GOLM2: variants seen among roughly 807,000 people sequenced by gnomAD.
GOLM2 encodes the protein golgi membrane protein 2, also known as protein GOLM2.
Under a neutral mutation model 55.9 loss-of-function variants are expected in GOLM2, and 26 were observed. The ratio of observed to expected loss-of-function variants is 0.47; its 90% CI spans 0.34 to 0.65. The LOEUF is 0.65. Ranked by LOEUF, GOLM2 falls within the 30% of genes least tolerant of loss-of-function variation. GOLM2 has a pLI of 0.01. For synonymous variants in GOLM2, 165 were observed against 194.6 expected (o/e 0.85, Z 1.27); for missense variants, 486 against 531.8 (o/e 0.91, Z 0.85).
At chr15:44,356,702 C>T (rs947562878) in intron 6 of GOLM2, among the ~76,000 whole-genome samples, 5 of 152,154 alleles carry the variant, frequency 3.3e-5, no homozygotes, top group African/African-American at 1.2e-4. Flanking sequence ...GGAATACTTC[C>T]TAATTCATTC....
chr15:44,332,438 T>C (rs2079028581), intron 4 of GOLM2, among the ~76,000 whole-genome samples: 1 of 151,922 alleles, frequency 6.6e-6, no homozygotes, highest in African/African-American at 2.4e-5. Context: ...ATGCCTGTAA[T>C]CTCAGCTACT....
intron 4 of GOLM2, among the ~76,000 whole-genome samples, chr15:44,334,929 G>A (rs1372905441): frequency 1.3e-5 from 2 of 152,190 alleles, no homozygotes; most frequent in African/African-American, 4.8e-5. Context: ...TACTCAGGAG[G>A]CTGAGGCAGG....
chr15:44,379,832 T>C (rs1363797203), intron 7 of GOLM2, 44 bp downstream of exon 7: 1 of 1,110,190 alleles, frequency 9.0e-7, no homozygotes, highest in East Asian at 2.4e-5. Flanking sequence ...ACCAACTTAC[T>C]AGTCATGTAC....
In GOLM2 at chr15:44,413,673, T is replaced by A. The variant is rs1347551315; in HGVS notation, c.*267T>A. The A allele has an allele frequency of 3.1e-6, 1 of 326,858 alleles. No homozygotes were observed. Among genetic ancestry groups the A allele is most frequent in the Non-Finnish European group, 5.6e-6 (1 of 178,444 alleles). The allele number at this position is 326,858 out of a possible 1,614,324, so 20.2% of individuals were successfully genotyped here. ...TGCATCTAAAGCAAACTAATGTATATTTCACATTTTATTGAGCCGACTTAT... is the reference window on the plus strand; with the variant it reads ...TGCATCTAAAGCAAACTAATGTATAATTCACATTTTATTGAGCCGACTTAT... On this transcript the variant is annotated 3_prime_UTR_variant, in exon 10 of 10. Coordinates refer to ENST00000299957, the MANE Select transcript of GOLM2 (RefSeq NM_138423.4).
In GOLM2 at chr15:44,399,864, A is replaced by G. The variant is rs181942937; in HGVS notation, c.1073-3023A>G. Among the ~76,000 whole-genome samples, 131 of 151,986 alleles carry G rather than the reference A, an allele frequency of 8.6e-4. 1 individual carries two copies. Among genetic ancestry groups the G allele is most frequent in the African/African-American group, 3.0e-3 (126 of 41,476 alleles). On this transcript the variant is annotated intron_variant, in intron 8 of 9. Transcript: ENST00000299957. Reference sequence around the variant, plus strand: ...ACAAAAATTAGCCGGGCATGGTGGTAGGCGCCTGTAATCCCAGCTACTCAG... The same window carrying G: ...ACAAAAATTAGCCGGGCATGGTGGTGGGCGCCTGTAATCCCAGCTACTCAG...
chr15:44,405,942 T>C (rs1024275318), intron 9 of GOLM2, among the ~76,000 whole-genome samples: 1 of 152,074 alleles, frequency 6.6e-6, no homozygotes, highest in Non-Finnish European at 1.5e-5. Context: ...TCTTTAGGTA[T>C]ATTATTAACT....
chr15:44,300,979 C>T (rs2078793629), intron 1 of GOLM2, among the ~76,000 whole-genome samples: 1 of 152,196 alleles, frequency 6.6e-6, no homozygotes, highest in Non-Finnish European at 1.5e-5. Context: ...TTCTCTTTTC[C>T]AAACTACACT....
intron 2 of GOLM2, among the ~76,000 whole-genome samples, chr15:44,323,548 G>A (rs1010449859): frequency 4.0e-5 from 6 of 151,076 alleles, no homozygotes; most frequent in African/African-American, 1.5e-4. Flanking sequence ...GTGATAAAGA[G>A]GTACTACAGC....
intron 1 of GOLM2, among the ~76,000 whole-genome samples, chr15:44,305,277 G>A (rs1276021983): frequency 6.6e-6 from 1 of 152,140 alleles, no homozygotes; most frequent in African/African-American, 2.4e-5. Context: ...TGGAATTAAT[G>A]GCCACTGTGC....
At chr15:44,357,298 A>T (rs1353743461) in intron 6 of GOLM2, among the ~76,000 whole-genome samples, 6 of 152,246 alleles carry the variant, frequency 3.9e-5, no homozygotes, top group African/African-American at 1.4e-4. Context: ...AGGCTAAAAA[A>T]AAAATCACAT....
chr15:44,351,522 A>G (rs1025128669), intron 6 of GOLM2, among the ~76,000 whole-genome samples: 1 of 142,234 alleles, frequency 7.0e-6, no homozygotes, highest in Non-Finnish European at 1.5e-5. Flanking sequence ...GCTTGCAGTG[A>G]GCTGAGATTG....
chr15:44,363,130 C>T (rs1032853214), intron 6 of GOLM2, among the ~76,000 whole-genome samples: 26 of 152,036 alleles, frequency 1.7e-4, no homozygotes, highest in Middle Eastern at 3.4e-3. Context: ...GACATAGGCA[C>T]GGGCAAGGAC....
intron 9 of GOLM2, among the ~76,000 whole-genome samples, chr15:44,410,587 A>T (rs1283276315): frequency 6.6e-6 from 1 of 151,976 alleles, no homozygotes; most frequent in African/African-American, 2.4e-5. Flanking sequence ...CTATTTAAAG[A>T]TAGATCATTT....
At chr15:44,368,448 A>G (rs76961300) in intron 6 of GOLM2, among the ~76,000 whole-genome samples, 7,460 of 151,680 alleles carry the variant, frequency 0.049, 301 homozygotes, top group East Asian at 0.19. Flanking sequence ...TATCCCAAAC[A>G]TCACTGAAGT....
intron 6 of GOLM2, 85 bp from the exon 7 acceptor site, chr15:44,379,605 T>C: frequency 2.7e-6 from 2 of 754,202 alleles, no homozygotes; most frequent in Non-Finnish European, 4.5e-6. Context: ...GCAATGTAAA[T>C]TGATTCACGG....
chr15:44,397,737 C>T (rs2079537404), intron 8 of GOLM2, among the ~76,000 whole-genome samples: 1 of 152,050 alleles, frequency 6.6e-6, no homozygotes, highest in Non-Finnish European at 1.5e-5. Context: ...TCACTTTGCA[C>T]CTACATTCTA....
At chr15:44,383,463 G>T (rs1443616624) in intron 8 of GOLM2, among the ~76,000 whole-genome samples, 1 of 151,876 alleles carries the variant, frequency 6.6e-6, no homozygotes, top group Non-Finnish European at 1.5e-5. Flanking sequence ...TGGCCACATT[G>T]ATTTTTATCG....
intron 8 of GOLM2, among the ~76,000 whole-genome samples, chr15:44,396,603 T>A (rs2079528725): frequency 6.6e-6 from 1 of 152,182 alleles, no homozygotes; most frequent in African/African-American, 2.4e-5. Context: ...ATATTTGAGA[T>A]GTCTTACAGA....
chr15:44,334,760 G>A (rs1328666291), intron 4 of GOLM2, among the ~76,000 whole-genome samples: 5 of 152,148 alleles, frequency 3.3e-5, no homozygotes, highest in African/African-American at 7.2e-5. Flanking sequence ...AGCTGGGGGC[G>A]GTGGCTCACA....
Sources: gnomAD v4.1 joint callset for allele counts (sites outside exome capture counted in the v4.1 genomes callset) on GRCh38, gnomAD v4.1.1 for gene constraint, MANE v1.5 for transcripts, NCBI Gene and HGNC (gene_info 2026-07-23, HGNC 2026-07-21) for gene names.